FERRY3: variants seen among roughly 807,000 people sequenced by gnomAD.
FERRY3 encodes FERRY endosomal RAB5 effector complex subunit 3.
the FERRY3 span, chr12:4,518,026 T>C: frequency 2.5e-6 from 4 of 1,571,402 alleles, no homozygotes; most frequent in East Asian, 9.0e-5. Context: ...GGATGAAATT[T>C]AACAAAATAA....
At chr12:4,537,660 T>A in the FERRY3 span, among the ~76,000 whole-genome samples, 1 of 152,186 alleles carries the variant, frequency 6.6e-6, no homozygotes, top group African/African-American at 2.4e-5. Context: ...AATCTGTATG[T>A]AGGCTATACA....
chr12:4,529,795 AAAC>A, the FERRY3 span: 6,434 of 1,266,494 alleles, frequency 5.1e-3, 41 homozygotes, highest in South Asian at 0.016. Context: ...TAAAAAATAA[AAAC>A]AAGTTGTTCT....
the FERRY3 span, chr12:4,534,438 C>A: frequency 1.0e-6 from 1 of 973,386 alleles, no homozygotes; most frequent in Non-Finnish European, 1.4e-6. Context: ...GTCTCTCTCT[C>A]TGTTACACAG....
At chr12:4,533,793 T>C in the FERRY3 span, among the ~76,000 whole-genome samples, 1 of 152,232 alleles carries the variant, frequency 6.6e-6, no homozygotes, top group African/African-American at 2.4e-5. Flanking sequence ...AGATAAATAG[T>C]GAACAATTTT....
chr12:4,518,737 C>T, the FERRY3 span: 3 of 1,141,858 alleles, frequency 2.6e-6, no homozygotes, highest in Non-Finnish European at 3.8e-6. Context: ...TCAGAAGTTA[C>T]AATAAATTAT....
chr12:4,535,240 C>T, the FERRY3 span, among the ~76,000 whole-genome samples: 1 of 152,192 alleles, frequency 6.6e-6, no homozygotes, highest in Non-Finnish European at 1.5e-5. This position sits in a 1 kb window ranked among gnomAD's most constrained non-coding sequence, Gnocchi z 4.0. Flanking sequence ...GCATTAGAAA[C>T]CCCTGGAGGC....
chr12:4,515,422 A>G, the FERRY3 span, among the ~76,000 whole-genome samples: 4 of 152,262 alleles, frequency 2.6e-5, no homozygotes. Context: ...ACCTAAATGT[A>G]CACACATACA....
chr12:4,508,576 C>G, the FERRY3 span, among the ~76,000 whole-genome samples: 1 of 152,122 alleles, frequency 6.6e-6, no homozygotes, highest in African/African-American at 2.4e-5. Flanking sequence ...AAAACCCCGT[C>G]TCTATTAAAA....
the FERRY3 span, among the ~76,000 whole-genome samples, chr12:4,513,660 A>G: frequency 6.6e-6 from 1 of 152,240 alleles, no homozygotes; most frequent in Non-Finnish European, 1.5e-5. Flanking sequence ...TCCCTACTTA[A>G]TAAATGGTGC....
At chr12:4,513,272 C>T in the FERRY3 span, among the ~76,000 whole-genome samples, 1 of 148,700 alleles carries the variant, frequency 6.7e-6, no homozygotes, top group African/African-American at 2.5e-5. Context: ...ACATTCCATG[C>T]TCATGGGTAG....
At chr12:4,493,337 C>G in the FERRY3 span, among the ~76,000 whole-genome samples, 12 of 152,136 alleles carry the variant, frequency 7.9e-5, no homozygotes, top group Admixed American at 6.5e-4. Context: ...CTTTACAATG[C>G]CTTCTATAAT....
chr12:4,494,424 GA>G, the FERRY3 span, among the ~76,000 whole-genome samples: 2 of 152,262 alleles, frequency 1.3e-5, no homozygotes, highest in East Asian at 3.9e-4. Context: ...ATGTCATCAG[GA>G]TTTTCTTTTA....
chr12:4,516,095 C>G, the FERRY3 span, among the ~76,000 whole-genome samples: 1 of 151,998 alleles, frequency 6.6e-6, no homozygotes, highest in Non-Finnish European at 1.5e-5. Context: ...TGACTTCATG[C>G]TACTTAAGAC....
the FERRY3 span, among the ~76,000 whole-genome samples, chr12:4,522,598 T>C: frequency 6.6e-5 from 10 of 152,200 alleles, no homozygotes; most frequent in African/African-American, 2.2e-4. Context: ...CTTTGGAAAA[T>C]AGTCTGGCAG....
At chr12:4,507,454 T>C in the FERRY3 span, among the ~76,000 whole-genome samples, 1 of 152,134 alleles carries the variant, frequency 6.6e-6, no homozygotes, top group Admixed American at 6.5e-5. Context: ...TATAAACTGG[T>C]AGAAATACTA....
the FERRY3 span, among the ~76,000 whole-genome samples, chr12:4,496,407 C>T: frequency 6.6e-6 from 1 of 152,102 alleles, no homozygotes; most frequent in Non-Finnish European, 1.5e-5. Flanking sequence ...GGTAACAGTA[C>T]AGAAAGTTTT....
the FERRY3 span, among the ~76,000 whole-genome samples, chr12:4,528,900 CACACACA>C: frequency 2.4e-3 from 221 of 91,942 alleles, 1 homozygote; most frequent in African/African-American, 6.4e-3. Flanking sequence ...ATCAGTTACA[CACACACA>C]CACACACACA....
At chr12:4,523,968 T>TA in the FERRY3 span, among the ~76,000 whole-genome samples, 3,407 of 150,698 alleles carry the variant, frequency 0.023, 103 homozygotes, top group African/African-American at 0.078. Context: ...TAAAAAAATT[T>TA]AAAAAAAAAG....
chr12:4,532,776 T>C, the FERRY3 span, among the ~76,000 whole-genome samples: 1 of 152,196 alleles, frequency 6.6e-6, no homozygotes, highest in Admixed American at 6.5e-5. Context: ...CTATGTAGCT[T>C]ACATTTTGTG....
Sources: gnomAD v4.1 joint callset for allele counts (sites outside exome capture counted in the v4.1 genomes callset) on GRCh38, gnomAD v4.1.1 for gene constraint, Gnocchi (gnomAD v3.1) non-coding constraint, MANE v1.5 for transcripts, NCBI Gene and HGNC (gene_info 2026-07-23, HGNC 2026-07-21) for gene names.